KRABD3: variants seen among roughly 807,000 people sequenced by gnomAD.
KRABD3 encodes the protein KRAB domain-containing protein 3.
the KRABD3 span, chr7:149,724,520 C>T: frequency 3.6e-6 from 2 of 553,720 alleles, no homozygotes; most frequent in South Asian, 4.0e-5. Context: ...CAAGTGACAG[C>T]AGTCTGAGCC....
chr7:149,733,539 G>A, the KRABD3 span: 16 of 1,597,532 alleles, frequency 1.0e-5, no homozygotes, highest in South Asian at 4.5e-5. Context: ...CGGGGACCTC[G>A]CTGGGCTCAT....
the KRABD3 span, chr7:149,724,566 C>A: frequency 2.0e-6 from 2 of 994,068 alleles, no homozygotes; most frequent in African/African-American, 3.4e-5. Flanking sequence ...CTTTGGAAGC[C>A]CCTCCTAACC....
chr7:149,725,626 C>G, the KRABD3 span: 10,336 of 970,468 alleles, frequency 0.011, 94 homozygotes, highest in Non-Finnish European at 0.013. Flanking sequence ...TTCATACTCA[C>G]TCCCAAACAG....
At chr7:149,714,965 G>C in the KRABD3 span, 53 of 1,104,480 alleles carry the variant, frequency 4.8e-5, no homozygotes, top group Non-Finnish European at 5.9e-5. Flanking sequence ...TCTCCTGCGC[G>C]GACCTGGGCC....
chr7:149,725,868 A>G, the KRABD3 span: 2 of 1,538,492 alleles, frequency 1.3e-6, no homozygotes, highest in Non-Finnish European at 1.8e-6. Flanking sequence ...GGTGACCACA[A>G]CTGTGCTGTT....
At chr7:149,715,083 C>T in the KRABD3 span, 1 of 1,230,762 alleles carries the variant, frequency 8.1e-7, no homozygotes, top group Non-Finnish European at 1.0e-6. Flanking sequence ...CAGGCGGACG[C>T]GCGGACCCCT....
the KRABD3 span, chr7:149,715,135 T>C: frequency 3.3e-5 from 41 of 1,230,308 alleles, no homozygotes; most frequent in Middle Eastern, 3.1e-4. Flanking sequence ...GAGAAAGAGC[T>C]GGGACCCCCC....
the KRABD3 span, chr7:149,720,889 A>ATCTC: frequency 1.2e-6 from 2 of 1,610,272 alleles, no homozygotes; most frequent in Admixed American, 3.4e-5. Context: ...CTGGTGAAGG[A>ATCTC]GATCCCAGAG....
the KRABD3 span, chr7:149,730,336 C>A: frequency 6.5e-7 from 1 of 1,544,414 alleles, no homozygotes; most frequent in Middle Eastern, 1.7e-4. Context: ...AAGCCGCTCC[C>A]CCAGGGTGAG....
chr7:149,715,349 A>T, the KRABD3 span: 1 of 1,194,782 alleles, frequency 8.4e-7, no homozygotes, highest in African/African-American at 1.6e-5. Flanking sequence ...CCTCGGAGGC[A>T]GTGAGTAAAT....
At chr7:149,734,196 T>A in the KRABD3 span, 4 of 1,115,016 alleles carry the variant, frequency 3.6e-6, no homozygotes, top group African/African-American at 6.3e-5. Context: ...CCCAACTGGG[T>A]AGAGCCCCCA....
At chr7:149,729,856 CCT>C in the KRABD3 span, 1 of 985,404 alleles carries the variant, frequency 1.0e-6, no homozygotes, top group African/African-American at 1.7e-5. Flanking sequence ...AGCCGCCTGG[CCT>C]GTGAGACCTA....
the KRABD3 span, among the ~76,000 whole-genome samples, chr7:149,716,456 C>T: frequency 0.013 from 1,947 of 152,268 alleles, 55 homozygotes; most frequent in African/African-American, 0.042. Flanking sequence ...TTCCTCCTCC[C>T]GAAGATGAGT....
At chr7:149,719,899 G>A in the KRABD3 span, 1 of 1,340,888 alleles carries the variant, frequency 7.5e-7, no homozygotes, top group Non-Finnish European at 9.9e-7. The surrounding 1 kb of genome is among the most constrained non-coding windows in gnomAD (Gnocchi z 5.6). Context: ...TTGAGTTTAA[G>A]TGGTCACATG....
At chr7:149,733,682 C>T in the KRABD3 span, 46 of 1,584,090 alleles carry the variant, frequency 2.9e-5, no homozygotes, top group Admixed American at 8.9e-5. Context: ...GACCGCTCGC[C>T]GGGCACGTCC....
chr7:149,727,751 A>G, the KRABD3 span, among the ~76,000 whole-genome samples: 1 of 152,224 alleles, frequency 6.6e-6, no homozygotes, highest in African/African-American at 2.4e-5. Context: ...AGAAGCTTCC[A>G]GCCAACTCCC....
the KRABD3 span, chr7:149,714,974 C>A: frequency 2.6e-6 from 3 of 1,158,648 alleles, no homozygotes; most frequent in Non-Finnish European, 3.2e-6. Context: ...CGGACCTGGG[C>A]CGCCGCCGAC....
At chr7:149,715,445 A>C in the KRABD3 span, 1 of 818,884 alleles carries the variant, frequency 1.2e-6, no homozygotes, top group Non-Finnish European at 1.5e-6. Context: ...ACAAACCCCA[A>C]GTTTTGTCTT....
chr7:149,716,726 G>A, the KRABD3 span, among the ~76,000 whole-genome samples: 1 of 152,188 alleles, frequency 6.6e-6, no homozygotes, highest in Non-Finnish European at 1.5e-5. Flanking sequence ...GAGAGACACC[G>A]GTGGTCAGGA....
Sources: allele counts gnomAD v4.1 joint callset (sites outside exome capture counted in the v4.1 genomes callset), GRCh38; gene constraint gnomAD v4.1.1; non-coding constraint Gnocchi (gnomAD v3.1); transcripts MANE v1.5; gene names NCBI Gene and HGNC (gene_info 2026-07-23, HGNC 2026-07-21).